RYR2: variants seen among roughly 807,000 people sequenced by gnomAD.
RYR2 encodes ryanodine receptor 2, also known as cardiac muscle ryanodine receptor-calcium release channel.
In RYR2, 227 loss-of-function variants were observed where a neutral mutation model predicts 601.1. The ratio of observed to expected loss-of-function variants is 0.38; its 90% confidence interval spans 0.34 to 0.42. The LOEUF is 0.42. RYR2 is among the 10% of genes least tolerant of loss of function. The pLI is 1.00. For synonymous variants in RYR2, 2,223 were observed against 2,175.1 expected (o/e 1.02, Z -0.61); for missense variants, 4,646 against 6,156.5 (o/e 0.75, Z 8.21).
chr1:237,548,736 A>G, intron 26 of RYR2, 146 bp downstream of exon 26: 3 of 1,009,196 alleles, frequency 3.0e-6, no homozygotes, highest in Non-Finnish European at 4.3e-6. Context: ...CAGCTGTTTA[A>G]TGCTAGACTC....
chr1:237,315,397 T>C (rs1572575749), intron 2 of RYR2, among the ~76,000 whole-genome samples: 1 of 152,072 alleles, frequency 6.6e-6, no homozygotes, highest in Non-Finnish European at 1.5e-5. Flanking sequence ...AACAATCTAC[T>C]CTTGAAAAAT....
intron 29 of RYR2, among the ~76,000 whole-genome samples, chr1:237,579,661 T>A (rs1290138584): frequency 6.6e-6 from 1 of 152,208 alleles, no homozygotes; most frequent in African/African-American, 2.4e-5. Flanking sequence ...ATATTAAACC[T>A]AATTTGTATT....
chr1:237,400,634 A>G (rs1237437183), intron 10 of RYR2, among the ~76,000 whole-genome samples: 1 of 152,174 alleles, frequency 6.6e-6, no homozygotes, highest in Non-Finnish European at 1.5e-5. Context: ...TAATTTTTAA[A>G]TGTTATATTC....
At chr1:237,422,362 GCATTAACAA>G (rs1558791399) in intron 11 of RYR2, among the ~76,000 whole-genome samples, 1 of 151,860 alleles carries the variant, frequency 6.6e-6, no homozygotes. Context: ...TCATTTCTGC[GCATTAACAA>G]CATTCAGTAT....
At chr1:237,412,139 G>A (rs914578748) in intron 10 of RYR2, among the ~76,000 whole-genome samples, 12 of 151,980 alleles carry the variant, frequency 7.9e-5, no homozygotes, top group East Asian at 1.9e-4. Flanking sequence ...GCTTTTTACC[G>A]AGAAACAAGT....
intron 33 of RYR2, among the ~76,000 whole-genome samples, 188 bp from the exon 34 acceptor site, chr1:237,595,310 G>A (rs1364530731): frequency 2.0e-5 from 3 of 152,116 alleles, no homozygotes; most frequent in Admixed American, 6.5e-5. Context: ...TATAAGACCT[G>A]ATTCAGAACG....
chr1:237,451,915 A>G (rs546664234), intron 14 of RYR2, among the ~76,000 whole-genome samples: 114 of 150,452 alleles, frequency 7.6e-4, no homozygotes, highest in Non-Finnish European at 1.2e-3. Context: ...TATGTGGTTT[A>G]TGTTCTGTGA....
At chr1:237,713,354 C>T (rs992788935) in intron 71 of RYR2, among the ~76,000 whole-genome samples, 25 of 152,200 alleles carry the variant, frequency 1.6e-4, no homozygotes, top group African/African-American at 5.5e-4. Context: ...TTCTGACCCA[C>T]AAATTTTCTC....
At chr1:237,238,960 C>T (rs1423932686) in intron 1 of RYR2, among the ~76,000 whole-genome samples, 1 of 152,118 alleles carries the variant, frequency 6.6e-6, no homozygotes, top group African/African-American at 2.4e-5. Context: ...CATCATACAC[C>T]AGTCGGACTC....
intron 13 of RYR2, among the ~76,000 whole-genome samples, chr1:237,441,790 G>A (rs964574987): frequency 5.3e-5 from 8 of 151,988 alleles, no homozygotes; most frequent in South Asian, 2.1e-4. Flanking sequence ...GACAAAGTCC[G>A]TTACTGACAT....
chr1:237,406,306 T>C (rs1031365839), intron 10 of RYR2, among the ~76,000 whole-genome samples: 29 of 149,722 alleles, frequency 1.9e-4, no homozygotes, highest in African/African-American at 6.4e-4. Context: ...TTTCTTACCA[T>C]GTCAAACTGT....
At chr1:237,692,616 T>C (rs956351522) in intron 63 of RYR2, among the ~76,000 whole-genome samples, 2 of 152,196 alleles carry the variant, frequency 1.3e-5, no homozygotes, top group Admixed American at 6.5e-5. Flanking sequence ...GCCTCTTGAA[T>C]GTGTTAGATT....
At position 237,454,487 on chromosome 1, in the gene RYR2, C is replaced by T. The variant is rs781378149; in HGVS notation, c.1389C>T (p.Phe463=). 5 of 1,613,442 alleles carry T rather than the reference C, an allele frequency of 3.1e-6. No individual in the cohort carries two copies. In the South Asian group the frequency reaches 4.4e-5, roughly 14 times the overall value. Residue 463 remains phenylalanine (F), a synonymous_variant, in exon 15 of 105, where the codon TTC becomes TTT. Transcript: ENST00000366574. ...SLSLQDLIGY[F]HPPDEHLEHE... ...GTCTGCAGGATCTCATTGGCTACTT[C>T]CACCCCCCAGATGAGCATTTAGAGC...
At chr1:237,064,693 G>A (rs573475812) in intron 1 of RYR2, among the ~76,000 whole-genome samples, 32 of 148,760 alleles carry the variant, frequency 2.2e-4, no homozygotes, top group Admixed American at 1.7e-3. Flanking sequence ...CTCTTCTGAG[G>A]TCTCATGTGA....
intron 29 of RYR2, among the ~76,000 whole-genome samples, chr1:237,587,551 A>G (rs1275110548): frequency 6.6e-5 from 10 of 152,000 alleles, no homozygotes; most frequent in Admixed American, 6.6e-4. Context: ...TTCTTTCAAT[A>G]ATAATTACTT....
chr1:237,759,244 GC>G (rs1361440815), intron 82 of RYR2, among the ~76,000 whole-genome samples: 1 of 151,972 alleles, frequency 6.6e-6, no homozygotes, highest in African/African-American at 2.4e-5. Flanking sequence ...ATGCTACCAC[GC>G]CCAGCTGATT....
intron 57 of RYR2, among the ~76,000 whole-genome samples, chr1:237,666,992 A>G (rs1573423349): frequency 6.6e-6 from 1 of 152,228 alleles, no homozygotes; most frequent in East Asian, 1.9e-4. Flanking sequence ...CCATTTAAAA[A>G]TCTCTATGTT....
chr1:237,669,418 T>A (rs1462739977), intron 58 of RYR2, among the ~76,000 whole-genome samples: 1 of 150,874 alleles, frequency 6.6e-6, no homozygotes, highest in Non-Finnish European at 1.5e-5. Context: ...GGTGGTGGCC[T>A]GGCAGAGGGG....
Position 237,748,008 on chromosome 1 carries a change from T to C in RYR2, c.11145+5659T>C, listed in dbSNP as rs12059880. Among the ~76,000 whole-genome samples, 485 of 152,272 alleles carry C rather than the reference T, an allele frequency of 3.2e-3. 1 individual carries two copies. Among genetic ancestry groups the C allele is most frequent in the African/African-American group, 0.011 (444 of 41,558 alleles). On this transcript the variant is annotated intron_variant, in intron 80 of 104. Transcript: ENST00000366574. ...TGATTGCCGCAATCTGCCAACTACATTTTTATACAATAAAATTATGCATCT... is the reference window on the plus strand; with the variant it reads ...TGATTGCCGCAATCTGCCAACTACACTTTTATACAATAAAATTATGCATCT...
Sources: gnomAD v4.1 joint callset for allele counts (sites outside exome capture counted in the v4.1 genomes callset) on GRCh38, gnomAD v4.1.1 for gene constraint, MANE v1.5 for transcripts, NCBI Gene and HGNC (gene_info 2026-07-23, HGNC 2026-07-21) for gene names.